Variants in CCDC74A observed in about 807,000 individuals in gnomAD.
CCDC74A encodes coiled-coil domain containing 74A, also known as coiled-coil domain-containing protein 74A.
A neutral mutation model predicts 37.6 loss-of-function variants in CCDC74A; 38 were observed. The observed-to-expected ratio is 1.01, with a 90% CI of 0.78 to 1.33. CCDC74A has a LOEUF of 1.33. Ranked by LOEUF, CCDC74A falls within the 40% of genes most tolerant of loss-of-function variation. The pLI is 0.00. For synonymous variants in CCDC74A, 134 were observed against 165.2 expected (o/e 0.81, Z 1.45); for missense variants, 340 against 403.4 (o/e 0.84, Z 1.35).
rs150575465 is a variant in CCDC74A at position 131,533,305 on chromosome 2, C to A, written c.846C>A (p.Pro282=). ...CTGTGGCGGAGCGTGCCATCCTGCC[C>A]GCACTGAAGCAGACCCCGAAGAACA... The part of the protein sequence containing the change: ...SPPVAERAIL[P]ALKQTPKNNF... Residue 282 remains proline, a synonymous_variant, in exon 8 of 8, where the codon CCC becomes CCA. Coordinates refer to ENST00000409856, the MANE Select transcript of CCDC74A (RefSeq NM_001258306.3). 3.1e-6 allele frequency: 5 copies of A among 1,613,272 alleles called. No individual in the cohort carries two copies. The highest frequency in any genetic ancestry group is 4.2e-6 in the Non-Finnish European group (5 of 1,179,936).
chr2:131,533,653 T>C lies in CCDC74A; in HGVS notation c.*255T>C, dbSNP rs2104839181. The C allele has an allele frequency of 1.9e-6, 1 of 519,608 alleles. No homozygotes were observed. The highest frequency in any genetic ancestry group is 1.9e-5 in the African/African-American group (1 of 52,134). The allele number at this position is 519,608 out of a possible 1,614,324, so 32.2% of individuals were successfully genotyped here. A position where few individuals can be genotyped will look rare whatever the true frequency, so the allele number is the denominator to read the frequency against. On this transcript the variant is annotated 3_prime_UTR_variant, in exon 8 of 8. Transcript: ENST00000409856. The stretch of plus-strand genomic sequence containing the variant: ...TACCTGTTGAAACTGAAAATAAAGC[T>C]TGTTTATTTCCAAGTTGTGTGCCTG...
At position 131,533,473 on chromosome 2, in the gene CCDC74A, C is replaced by T; in HGVS notation, c.*75C>T. 7.6e-6 allele frequency: 12 copies of T among 1,576,738 alleles called. No homozygotes were observed. Among genetic ancestry groups the T allele is most frequent in the Non-Finnish European group, 1.0e-5 (12 of 1,157,534 alleles). ...TGGCTCTCTATAGCATTTCCTGATACTTCCGCTACTTTTAGGCCTGGCTAA... is the reference window on the plus strand; with the variant it reads ...TGGCTCTCTATAGCATTTCCTGATATTTCCGCTACTTTTAGGCCTGGCTAA... On this transcript the variant is annotated 3_prime_UTR_variant, in exon 8 of 8. Coordinates refer to ENST00000409856, the MANE Select transcript of CCDC74A (RefSeq NM_001258306.3).
intron 4 of CCDC74A, among the ~76,000 whole-genome samples, chr2:131,532,126 C>T (rs535994788): frequency 6.7e-6 from 1 of 149,820 alleles, no homozygotes; most frequent in African/African-American, 2.4e-5. Flanking sequence ...AGAAGGCTTG[C>T]TGCCCCTGGC....
At chr2:131,530,156 G>C in intron 2 of CCDC74A, 1 of 1,549,530 alleles carries the variant, frequency 6.5e-7, no homozygotes, top group Non-Finnish European at 8.7e-7. Flanking sequence ...GCAACCATGG[G>C]GACAAAGGGA....
At chr2:131,525,383 A>C (rs543105299), upstream of CCDC74A, among the ~76,000 whole-genome samples, 1 of 151,694 alleles carries the variant, frequency 6.6e-6, no homozygotes, top group African/African-American at 2.4e-5. Context: ...CATGCAGGCA[A>C]ATTTTTTAGT....
intron 2 of CCDC74A, 94 bp downstream of exon 2, chr2:131,529,785 C>G (rs1177452904): frequency 6.4e-7 from 1 of 1,566,538 alleles, no homozygotes; most frequent in Non-Finnish European, 8.7e-7. Flanking sequence ...GCACTGGCCC[C>G]TGTATGCCAA....
At chr2:131,526,952 A>G (rs1680354156), upstream of CCDC74A, among the ~76,000 whole-genome samples, 1 of 151,744 alleles carries the variant, frequency 6.6e-6, no homozygotes, top group Non-Finnish European at 1.5e-5. Flanking sequence ...AAGGAGAGCC[A>G]GAGCAGGCTG....
chr2:131,530,014 A>G, intron 2 of CCDC74A: 1 of 1,550,088 alleles, frequency 6.5e-7, no homozygotes, highest in Non-Finnish European at 8.7e-7. Context: ...CTGCCCTGCT[A>G]GATCTTTGCC....
At chr2:131,533,229 C>T in intron 7 of CCDC74A, 40 bp from the exon 8 acceptor site, 2 of 1,611,060 alleles carry the variant, frequency 1.2e-6, no homozygotes, top group Non-Finnish European at 1.7e-6. Flanking sequence ...CACTCCACTC[C>T]CGGGGATGCT....
At chr2:131,523,479 TTAGC>T (rs1325711225), upstream of CCDC74A, among the ~76,000 whole-genome samples, 11 of 152,072 alleles carry the variant, frequency 7.2e-5, 1 homozygote, top group Admixed American at 5.9e-4. Context: ...AATACAAAAA[TTAGC>T]TAGTGTGGTG....
At chr2:131,525,872 C>T (rs1680288606), upstream of CCDC74A, among the ~76,000 whole-genome samples, 1 of 151,886 alleles carries the variant, frequency 6.6e-6, no homozygotes, top group Admixed American at 6.6e-5. Context: ...GCGCCCACCA[C>T]CATGCCCGGC....
At chr2:131,529,526 A>C (rs1376939696) in intron 1 of CCDC74A, 121 bp from the exon 2 acceptor site, 6 of 1,332,224 alleles carry the variant, frequency 4.5e-6, no homozygotes, top group African/African-American at 1.4e-5. Context: ...GGCAGGGCCC[A>C]ATCAGCCAGT....
intron 3 of CCDC74A, among the ~76,000 whole-genome samples, 162 bp downstream of exon 3, chr2:131,530,989 C>T (rs1426171518): frequency 7.1e-6 from 1 of 141,730 alleles, no homozygotes; most frequent in African/African-American, 2.5e-5. Context: ...CTGAAGCCAC[C>T]GGGAGGGGAT....
upstream of CCDC74A, among the ~76,000 whole-genome samples, chr2:131,525,090 C>T (rs1187104973): frequency 6.6e-6 from 1 of 152,010 alleles, no homozygotes; most frequent in Non-Finnish European, 1.5e-5. Context: ...AATATTGCTA[C>T]CATTCATTCC....
At chr2:131,530,520 G>A (rs755473429) in intron 2 of CCDC74A, 4 of 1,576,544 alleles carry the variant, frequency 2.5e-6, no homozygotes, top group East Asian at 2.4e-5. Context: ...CACGGGAAGA[G>A]GCCATGCTTT....
intron 1 of CCDC74A, chr2:131,528,718 G>A (rs1559406681): frequency 7.9e-6 from 3 of 380,616 alleles, no homozygotes; most frequent in Non-Finnish European, 5.0e-6. Flanking sequence ...GGCTGAAGCA[G>A]GAGAATGGCG....
Position 131,533,547 on chromosome 2 carries a change from A to G in CCDC74A, c.*149A>G. ...GATAGATAAAGTACTTGATCTCCAA[A>G]CTGACAAACTGTTTATTTTCTAGCT... On this transcript the variant is annotated 3_prime_UTR_variant, in exon 8 of 8. Coordinates refer to ENST00000409856, the MANE Select transcript of CCDC74A (RefSeq NM_001258306.3). 1 of 1,075,762 alleles carries G rather than the reference A, an allele frequency of 9.3e-7. No individual in the cohort carries two copies. 66.6% of individuals were successfully genotyped at this position (1,075,762 alleles called of 1,614,324 possible).
At chr2:131,523,363 C>CAA (rs1269295831), upstream of CCDC74A, among the ~76,000 whole-genome samples, 4 of 152,176 alleles carry the variant, frequency 2.6e-5, no homozygotes, top group East Asian at 7.7e-4. Context: ...CGCAGTGGCT[C>CAA]ACGCCTGTAA....
chr2:131,527,028 T>C (rs2104774144), upstream of CCDC74A, among the ~76,000 whole-genome samples: 1 of 147,452 alleles, frequency 6.8e-6, no homozygotes, highest in African/African-American at 2.6e-5. Context: ...GGCCTGGCTG[T>C]GATTTTTTTT....
Sources: allele counts gnomAD v4.1 joint callset (sites outside exome capture counted in the v4.1 genomes callset), GRCh38; gene constraint gnomAD v4.1.1; transcripts MANE v1.5; gene names NCBI Gene and HGNC (gene_info 2026-07-23, HGNC 2026-07-21).